NELL2: variants seen among roughly 807,000 people sequenced by gnomAD.
NELL2 encodes the protein neural EGFL like 2.
In NELL2, 41 loss-of-function variants were observed where a neutral mutation model predicts 109.6. That is an observed-to-expected ratio of 0.37 (90% CI 0.29 to 0.49). NELL2 has a LOEUF of 0.49. NELL2 is among the 20% of genes least tolerant of loss of function. The pLI is 0.98. For missense variants in NELL2, 900 were observed against 1,008.3 expected (o/e 0.89, Z 1.45); for synonymous variants, 355 against 344.7 (o/e 1.03, Z -0.33).
At chr12:44,599,172 A>G (rs925394882) in intron 15 of NELL2, among the ~76,000 whole-genome samples, 5 of 152,320 alleles carry the variant, frequency 3.3e-5, no homozygotes, top group Non-Finnish European at 7.3e-5. Context: ...TAAAGCTTCA[A>G]TGAAGATAAT....
At chr12:44,885,078 A>C (rs1945455748) in intron 1 of NELL2, among the ~76,000 whole-genome samples, 1 of 151,942 alleles carries the variant, frequency 6.6e-6, no homozygotes, top group African/African-American at 2.4e-5. Flanking sequence ...CAGGAGTTCA[A>C]GACTAGCCTG....
intron 12 of NELL2, among the ~76,000 whole-genome samples, chr12:44,701,875 CCTT>C (rs1949239978): frequency 6.6e-6 from 1 of 151,788 alleles, no homozygotes; most frequent in African/African-American, 2.4e-5. Flanking sequence ...TCACTCTCCT[CCTT>C]GATGCAACTC....
At chr12:44,655,393 C>T (rs556771871) in intron 13 of NELL2, among the ~76,000 whole-genome samples, 2 of 152,186 alleles carry the variant, frequency 1.3e-5, no homozygotes, top group East Asian at 1.9e-4. Flanking sequence ...GTGCTTCCCC[C>T]ACTCACTGAC....
At chr12:44,556,177 C>T (rs190070821) in intron 15 of NELL2, among the ~76,000 whole-genome samples, 195 of 152,292 alleles carry the variant, frequency 1.3e-3, no homozygotes, top group Admixed American at 0.013. Flanking sequence ...CAGTTTACTT[C>T]AGGGTTTTTA....
chr12:44,542,739 G>GACTGCAT (rs1042383194), intron 15 of NELL2, among the ~76,000 whole-genome samples: 91 of 152,156 alleles, frequency 6.0e-4, no homozygotes, highest in Non-Finnish European at 1.1e-3. Flanking sequence ...TCTGCATTCA[G>GACTGCAT]TCAGGAAAAT....
At chr12:44,719,367 G>A (rs1013610081) in intron 9 of NELL2, among the ~76,000 whole-genome samples, 1 of 152,066 alleles carries the variant, frequency 6.6e-6, no homozygotes, top group Admixed American at 6.6e-5. Context: ...ATGAACTTTA[G>A]CAAACCCTTG....
intron 13 of NELL2, among the ~76,000 whole-genome samples, chr12:44,615,994 A>C (rs1027526467): frequency 2.0e-5 from 3 of 152,170 alleles, no homozygotes; most frequent in Non-Finnish European, 4.4e-5. Flanking sequence ...AGTCTCTTGA[A>C]GCGCAACATT....
chr12:44,848,664 T>C (rs899357316), intron 2 of NELL2, among the ~76,000 whole-genome samples: 9 of 151,988 alleles, frequency 5.9e-5, no homozygotes, highest in Non-Finnish European at 1.2e-4. Context: ...CATCACTTTA[T>C]AAAAGAGAGA....
chr12:44,747,116 GC>G (rs1282256719), intron 9 of NELL2, among the ~76,000 whole-genome samples: 1 of 152,208 alleles, frequency 6.6e-6, no homozygotes, highest in Non-Finnish European at 1.5e-5. Context: ...ATACTATGCA[GC>G]CATAAAACGT....
intron 9 of NELL2, among the ~76,000 whole-genome samples, chr12:44,740,974 C>A (rs1007381973): frequency 6.6e-6 from 1 of 152,168 alleles, no homozygotes; most frequent in African/African-American, 2.4e-5. Context: ...TTATATGGAG[C>A]TTACTATGTA....
intron 1 of NELL2, among the ~76,000 whole-genome samples, chr12:44,911,358 A>C (rs1945777327): frequency 6.6e-6 from 1 of 152,062 alleles, no homozygotes. Flanking sequence ...AAAAAATAAC[A>C]AGAACAATAA....
At chr12:44,512,671 C>T (rs925147982) in intron 19 of NELL2, among the ~76,000 whole-genome samples, 1 of 152,004 alleles carries the variant, frequency 6.6e-6, no homozygotes, top group Admixed American at 6.6e-5. Context: ...TCATTTTCAA[C>T]AACATGGATG....
chr12:44,624,554 A>AGTACAAAC (rs1270168443), intron 13 of NELL2, among the ~76,000 whole-genome samples: 1 of 151,922 alleles, frequency 6.6e-6, no homozygotes, highest in Non-Finnish European at 1.5e-5. Flanking sequence ...GGTGTTATTT[A>AGTACAAAC]AAGGTTCCCT....
intron 9 of NELL2, among the ~76,000 whole-genome samples, chr12:44,745,440 G>T (rs113692089): frequency 0.021 from 3,189 of 152,236 alleles, 107 homozygotes; most frequent in African/African-American, 0.07. Context: ...AGTGTTGGAG[G>T]TTCTGGCCAG....
intron 9 of NELL2, among the ~76,000 whole-genome samples, chr12:44,716,008 C>A (rs1372547959): frequency 6.6e-6 from 1 of 151,402 alleles, no homozygotes; most frequent in Non-Finnish European, 1.5e-5. Flanking sequence ...CTGTGTTGCC[C>A]ACGATGGTCT....
At chr12:44,821,173 G>A (rs928057620) in intron 2 of NELL2, among the ~76,000 whole-genome samples, 2 of 151,632 alleles carry the variant, frequency 1.3e-5, no homozygotes, top group Non-Finnish European at 2.9e-5. Context: ...GTTCCATTTT[G>A]TTCTCACAAA....
intron 15 of NELL2, among the ~76,000 whole-genome samples, chr12:44,580,140 G>A (rs1051509322): frequency 3.3e-5 from 5 of 152,044 alleles, no homozygotes; most frequent in Non-Finnish European, 5.9e-5. Context: ...TACTTGATTG[G>A]ACTTTGTACC....
At chr12:44,836,596 A>G (rs1216627896) in intron 2 of NELL2, among the ~76,000 whole-genome samples, 1 of 152,238 alleles carries the variant, frequency 6.6e-6, no homozygotes, top group African/African-American at 2.4e-5. Context: ...CAGCCCTGAT[A>G]GAGAAAAACT....
intron 13 of NELL2, among the ~76,000 whole-genome samples, chr12:44,642,437 G>A (rs976657222): frequency 2.0e-4 from 31 of 152,148 alleles, no homozygotes; most frequent in African/African-American, 7.2e-4. Flanking sequence ...ATAAATAGCA[G>A]GTAGAATGGT....
Sources: allele counts gnomAD v4.1 joint callset (sites outside exome capture counted in the v4.1 genomes callset), GRCh38; gene constraint gnomAD v4.1.1; transcripts MANE v1.5; gene names NCBI Gene and HGNC (gene_info 2026-07-23, HGNC 2026-07-21).